The following ZNF536 variants were observed in gnomAD, a reference collection of about 807,000 sequenced individuals.
The protein encoded by ZNF536 is zinc finger protein 536.
In ZNF536, 13 loss-of-function variants were observed where a neutral mutation model predicts 84.5. The ratio of observed to expected loss-of-function variants is 0.15; its 90% CI spans 0.10 to 0.24. The LOEUF is 0.24. ZNF536 is among the 10% of genes least tolerant of loss of function. The pLI is 1.00. For synonymous variants in ZNF536, 811 were observed against 742.5 expected (o/e 1.09, Z -1.50); for missense variants, 1,536 against 1,747.5 (o/e 0.88, Z 2.16).
At chr19:30,439,667 G>T (rs979839579) in intron 1 of ZNF536, among the ~76,000 whole-genome samples, 5 of 152,184 alleles carry the variant, frequency 3.3e-5, no homozygotes, top group Non-Finnish European at 5.9e-5. Flanking sequence ...TCCCAGTAAG[G>T]CTCTGTGCAG....
intron 1 of ZNF536, among the ~76,000 whole-genome samples, chr19:30,272,118 G>A (rs2025887658): frequency 6.6e-6 from 1 of 152,216 alleles, no homozygotes; most frequent in Non-Finnish European, 1.5e-5. Context: ...CTGATTTGCA[G>A]AAGTGGAAAT....
intron 2 of ZNF536, among the ~76,000 whole-genome samples, chr19:30,307,691 G>A (rs757158557): frequency 7.9e-5 from 12 of 152,058 alleles, no homozygotes; most frequent in Non-Finnish European, 1.3e-4. Flanking sequence ...AATACAGTCC[G>A]AACTTGATTA....
chr19:30,575,571 G>A (rs2046700179), intron 1 of ZNF536, among the ~76,000 whole-genome samples: 1 of 152,202 alleles, frequency 6.6e-6, no homozygotes, highest in African/African-American at 2.4e-5. Flanking sequence ...AGGTATCAGA[G>A]ACCCAGCGGT....
intron 2 of ZNF536, among the ~76,000 whole-genome samples, chr19:30,456,735 T>G (rs2052865007): frequency 6.6e-6 from 1 of 152,124 alleles, no homozygotes; most frequent in African/African-American, 2.4e-5. Context: ...AGGCATCAGG[T>G]GCTGGAGATG....
At chr19:30,582,399 T>TC (rs890232415) in intron 1 of ZNF536, among the ~76,000 whole-genome samples, 6 of 143,534 alleles carry the variant, frequency 4.2e-5, no homozygotes, top group East Asian at 2.0e-4. Flanking sequence ...TTTTTTTTTT[T>TC]CAGACAGGGT....
chr19:30,460,449 C>A (rs759645800), intron 2 of ZNF536, among the ~76,000 whole-genome samples: 1 of 152,176 alleles, frequency 6.6e-6, no homozygotes, highest in Non-Finnish European at 1.5e-5. Context: ...CCTCCCTGAG[C>A]AAGGTGGTTT....
At chr19:30,655,321 T>C (rs549906815) in intron 1 of ZNF536, among the ~76,000 whole-genome samples, 21 of 152,330 alleles carry the variant, frequency 1.4e-4, no homozygotes, top group African/African-American at 5.1e-4. Context: ...CTTTGCTCAT[T>C]TCTGTTTTTG....
chr19:30,511,369 C>T (rs889117851), intron 2 of ZNF536, among the ~76,000 whole-genome samples: 2 of 152,166 alleles, frequency 1.3e-5, no homozygotes, highest in African/African-American at 4.8e-5. Context: ...AATTTATACA[C>T]AAACCATAAA....
intron 1 of ZNF536, among the ~76,000 whole-genome samples, chr19:30,625,566 C>T (rs2048644875): frequency 6.6e-6 from 1 of 152,228 alleles, no homozygotes; most frequent in South Asian, 2.1e-4. Flanking sequence ...CTGCATCCAC[C>T]TTGCAGGTGA....
intron 1 of ZNF536, among the ~76,000 whole-genome samples, chr19:30,593,556 G>A (rs1046669623): frequency 2.0e-5 from 3 of 152,142 alleles, no homozygotes; most frequent in Non-Finnish European, 4.4e-5. Context: ...AGCACACCCG[G>A]CTGTGACTCT....
At chr19:30,525,153 T>C (rs1390487866) in intron 2 of ZNF536, among the ~76,000 whole-genome samples, 5 of 152,108 alleles carry the variant, frequency 3.3e-5, no homozygotes, top group African/African-American at 1.2e-4. Context: ...TATAATTGTG[T>C]GTTTGTGGTT....
Position 30,700,880 on chromosome 19 carries a change from C to T in ZNF536, c.170-9877C>T, listed in dbSNP as rs531102835. Among the ~76,000 whole-genome samples the T allele has an allele frequency of 6.6e-5, 10 of 152,268 alleles. No individual in the cohort carries two copies. The South Asian group carries it at 1.0e-3, about 16-fold the overall frequency. ...TCCTAATTTCAAGGAGTTCAGGCGGCGCTGGTTGTGCAGCTCTGGGAGAAG... is the reference window on the plus strand; with the variant it reads ...TCCTAATTTCAAGGAGTTCAGGCGGTGCTGGTTGTGCAGCTCTGGGAGAAG... On this transcript the variant is annotated intron_variant, in intron 1 of 1. Coordinates refer to the ZNF536 transcript ENST00000592773.
At chr19:30,634,599 T>G (rs2049000089) in intron 1 of ZNF536, among the ~76,000 whole-genome samples, 1 of 152,248 alleles carries the variant, frequency 6.6e-6, no homozygotes, top group Non-Finnish European at 1.5e-5. Flanking sequence ...TCGAAAGTCC[T>G]GAGATGATAA....
At chr19:30,605,570 C>T (rs2047840254) in intron 1 of ZNF536, among the ~76,000 whole-genome samples, 1 of 152,156 alleles carries the variant, frequency 6.6e-6, no homozygotes, top group Admixed American at 6.5e-5. Context: ...ACTGTATTTT[C>T]GTTATCCACT....
chr19:30,478,924 A>T (rs1456729568), intron 2 of ZNF536, among the ~76,000 whole-genome samples: 1 of 152,012 alleles, frequency 6.6e-6, no homozygotes, highest in Non-Finnish European at 1.5e-5. Flanking sequence ...TTGGAAACTC[A>T]TCCTTCCGAG....
intron 2 of ZNF536, among the ~76,000 whole-genome samples, chr19:30,522,570 T>A (rs1202396785): frequency 6.6e-6 from 1 of 152,022 alleles, no homozygotes; most frequent in Non-Finnish European, 1.5e-5. Context: ...CTATCCTACA[T>A]GCGACCCTCT....
intron 1 of ZNF536, among the ~76,000 whole-genome samples, chr19:30,258,092 T>G (rs1261510902): frequency 6.6e-6 from 1 of 152,210 alleles, no homozygotes; most frequent in African/African-American, 2.4e-5. Context: ...CTCCACTGGC[T>G]GCCATTTTGG....
chr19:30,609,879 C>CATCCATCCACCCATTT (rs2048033104), intron 1 of ZNF536, among the ~76,000 whole-genome samples: 1 of 149,106 alleles, frequency 6.7e-6, no homozygotes, highest in Non-Finnish European at 1.5e-5. Flanking sequence ...TTTATCCATC[C>CATCCATCCACCCATTT]ATCCATCCAC....
intron 3 of ZNF536, among the ~76,000 whole-genome samples, chr19:30,538,887 G>T (rs2146003487): frequency 6.6e-6 from 1 of 152,182 alleles, no homozygotes; most frequent in Non-Finnish European, 1.5e-5. Context: ...ATCAGTCAGG[G>T]TTCTCCAGAG....
Sources: allele counts gnomAD v4.1 joint callset (sites outside exome capture counted in the v4.1 genomes callset), GRCh38; gene constraint gnomAD v4.1.1; transcripts MANE v1.5; gene names NCBI Gene and HGNC (gene_info 2026-07-23, HGNC 2026-07-21).